Variants in CDK17 observed in about 807,000 individuals in gnomAD.
CDK17 encodes cyclin-dependent kinase 17.
A neutral mutation model predicts 77.6 loss-of-function variants in CDK17; 24 were observed. The ratio of observed to expected loss-of-function variants is 0.31; its 90% CI spans 0.22 to 0.44. The LOEUF (loss-of-function observed/expected upper bound fraction) is 0.44. CDK17 is among the 20% of genes least tolerant of loss of function. The probability of loss-of-function intolerance (pLI) is 1.00; values close to 1 mark genes in which losing one functional copy is unlikely to be tolerated. For missense variants in CDK17, 429 were observed against 622.5 expected (o/e 0.69, Z 3.31); for synonymous variants, 203 against 210.4 (o/e 0.96, Z 0.30).
At chr12:96,341,337 A>ACACACT (rs1953119614) in intron 1 of CDK17, among the ~76,000 whole-genome samples, 1 of 142,498 alleles carries the variant, frequency 7.0e-6, no homozygotes, top group East Asian at 1.9e-4. Flanking sequence ...ACACACACAC[A>ACACACT]CACACACGTC....
intron 3 of CDK17, among the ~76,000 whole-genome samples, chr12:96,316,947 G>A (rs1952738206): frequency 1.3e-5 from 2 of 150,564 alleles, no homozygotes; most frequent in African/African-American, 4.9e-5. Context: ...ACGGAACAAA[G>A]CTGGATGGAG....
chr12:96,324,846 G>A (rs1952872598), intron 2 of CDK17, among the ~76,000 whole-genome samples: 1 of 151,972 alleles, frequency 6.6e-6, no homozygotes, highest in South Asian at 2.1e-4. Flanking sequence ...TTACATCCCT[G>A]TTTGCTGGAC....
chr12:96,397,269 G>A (rs569690677), intron 1 of CDK17, among the ~76,000 whole-genome samples: 2 of 151,694 alleles, frequency 1.3e-5, no homozygotes, highest in African/African-American at 4.9e-5. Flanking sequence ...CTGTGCTACC[G>A]GGCAAATAAA....
chr12:96,297,177 G>A (rs1952419291), intron 9 of CDK17, 93 bp downstream of exon 9: 2 of 723,020 alleles, frequency 2.8e-6, no homozygotes. Flanking sequence ...AGAAAACCCT[G>A]AAGAAGAGTT....
rs1954235328 is a variant in CDK17, at chr12:96,400,046, C to T, written c.-90G>A. On this transcript the variant is annotated 5_prime_UTR_variant, in exon 1 of 17. Coordinates refer to ENST00000261211, the MANE Select transcript of CDK17 (RefSeq NM_002595.5). ...CGAAGAGAGGCGCGGGGGGAAGCTGCTCCGCGGACGCCCGCGGCGACCGGA... is the reference window on the plus strand; with the variant it reads ...CGAAGAGAGGCGCGGGGGGAAGCTGTTCCGCGGACGCCCGCGGCGACCGGA... 3 of 387,190 alleles carry T rather than the reference C, an allele frequency of 7.7e-6. No homozygotes were observed. The highest frequency in any genetic ancestry group is 1.4e-5 in the Non-Finnish European group (3 of 219,094). The allele number at this position is 387,190 out of a possible 1,614,324, so 24.0% of individuals were successfully genotyped here.
chr12:96,337,849 G>C (rs1953066851), intron 1 of CDK17, among the ~76,000 whole-genome samples: 1 of 152,160 alleles, frequency 6.6e-6, no homozygotes, highest in Admixed American at 6.6e-5. Flanking sequence ...GAAATAACTA[G>C]GGAGGCTTGG....
chr12:96,374,715 G>A (rs1394243215), intron 1 of CDK17, among the ~76,000 whole-genome samples: 1 of 152,186 alleles, frequency 6.6e-6, no homozygotes, highest in African/African-American at 2.4e-5. Flanking sequence ...CTTCTCCACA[G>A]AAGTAAAGTA....
chr12:96,340,424 T>C (rs1021240586), intron 1 of CDK17, among the ~76,000 whole-genome samples: 1 of 152,152 alleles, frequency 6.6e-6, no homozygotes, highest in Non-Finnish European at 1.5e-5. Flanking sequence ...TAAAATCACA[T>C]CTTCAAATTG....
chr12:96,331,096 C>T (rs1222842918), intron 2 of CDK17, among the ~76,000 whole-genome samples: 5 of 152,154 alleles, frequency 3.3e-5, no homozygotes, highest in African/African-American at 1.2e-4. Flanking sequence ...GCGTGCGCCA[C>T]CACATTCCAT....
chr12:96,316,202 C>T lies in CDK17; in HGVS notation c.284-2748G>A, dbSNP rs145856407. 2.1e-3 allele frequency among the ~76,000 whole-genome samples: 317 copies of T among 152,188 alleles called. 3 individuals are homozygous for T. Among genetic ancestry groups the T allele is most frequent in the African/African-American group, 7.2e-3 (300 of 41,542 alleles). On this transcript the variant is annotated intron_variant, in intron 3 of 16. Transcript: ENST00000261211. ...GTCAAAGAAAGGGGTGACGGACGCA[C>T]CTGGAAAATCGGGTCACTCCCACCC... is the stretch of plus-strand genomic sequence containing the variant.
At chr12:96,346,454 AAAATAAAT>A (rs139515890) in intron 1 of CDK17, among the ~76,000 whole-genome samples, 3 of 150,466 alleles carry the variant, frequency 2.0e-5, no homozygotes, top group African/African-American at 7.4e-5. Flanking sequence ...TCTATCTCAA[AAAATAAAT>A]AAATAAATAA....
intron 1 of CDK17, among the ~76,000 whole-genome samples, chr12:96,381,664 A>T (rs1358432143): frequency 6.6e-6 from 1 of 152,066 alleles, no homozygotes; most frequent in Admixed American, 6.6e-5. Context: ...TATTAGAAAA[A>T]AATTAAGTGT....
At chr12:96,365,087 G>C (rs565157315) in intron 1 of CDK17, among the ~76,000 whole-genome samples, 1 of 152,110 alleles carries the variant, frequency 6.6e-6, no homozygotes, top group East Asian at 1.9e-4. Context: ...AAAAATTAAA[G>C]AGTTTTAAAT....
intron 1 of CDK17, among the ~76,000 whole-genome samples, chr12:96,355,181 G>A (rs1953374255): frequency 6.6e-6 from 1 of 151,812 alleles, no homozygotes; most frequent in African/African-American, 2.4e-5. Context: ...CACTATAGCA[G>A]CTGTCTCTTT....
intron 1 of CDK17, among the ~76,000 whole-genome samples, chr12:96,336,107 G>C (rs767943044): frequency 3.3e-5 from 5 of 152,106 alleles, no homozygotes; most frequent in Admixed American, 6.6e-5. Context: ...GCTGGGGGGG[G>C]AGGTATCACA....
chr12:96,377,009 TCTTA>T (rs1953790855), intron 1 of CDK17, among the ~76,000 whole-genome samples: 1 of 152,194 alleles, frequency 6.6e-6, no homozygotes, highest in Non-Finnish European at 1.5e-5. Context: ...AGTTGAGACT[TCTTA>T]CTGAGAGTAA....
intron 3 of CDK17, among the ~76,000 whole-genome samples, chr12:96,322,593 C>T (rs750023895): frequency 1.3e-5 from 2 of 151,816 alleles, no homozygotes; most frequent in Non-Finnish European, 2.9e-5. Flanking sequence ...TGGACAACTT[C>T]AGGCTACCAA....
chr12:96,323,409 T>C (rs868220858), intron 3 of CDK17, among the ~76,000 whole-genome samples: 5 of 151,952 alleles, frequency 3.3e-5, no homozygotes, highest in Admixed American at 1.3e-4. Flanking sequence ...TGAGCTTCAA[T>C]AGCACCACTG....
intron 1 of CDK17, among the ~76,000 whole-genome samples, chr12:96,372,288 G>GA (rs1953707829): frequency 1.3e-5 from 2 of 151,702 alleles, no homozygotes; most frequent in East Asian, 1.9e-4. Context: ...AGCTGTGAAG[G>GA]AAAAAAATCT....
Sources: gnomAD v4.1 joint callset for allele counts (sites outside exome capture counted in the v4.1 genomes callset) on GRCh38, gnomAD v4.1.1 for gene constraint, MANE v1.5 for transcripts, NCBI Gene and HGNC (gene_info 2026-07-23, HGNC 2026-07-21) for gene names.